SDK2: variants seen among roughly 807,000 people sequenced by gnomAD.
SDK2 encodes protein sidekick-2.
In SDK2, 105 loss-of-function variants were observed where a neutral mutation model predicts 253.9. That is an observed-to-expected ratio of 0.41 (90% CI 0.35 to 0.49). The LOEUF (loss-of-function observed/expected upper bound fraction) is 0.49, where lower values mean the gene tolerates loss of function less well. Ranked by LOEUF, SDK2 falls within the 20% of genes least tolerant of loss-of-function variation. The pLI is 0.06. For missense variants in SDK2, 2,608 were observed against 3,003.0 expected (o/e 0.87, Z 3.07); for synonymous variants, 1,249 against 1,234.9 (o/e 1.01, Z -0.24).
chr17:73,497,205 A>C (rs563324686), intron 2 of SDK2, among the ~76,000 whole-genome samples: 1 of 152,186 alleles, frequency 6.6e-6, no homozygotes, highest in Non-Finnish European at 1.5e-5. Context: ...GCCTGAGCTC[A>C]TGATTTTGGA....
At chr17:73,376,104 G>A (rs943832624) in intron 36 of SDK2, among the ~76,000 whole-genome samples, 6 of 151,350 alleles carry the variant, frequency 4.0e-5, no homozygotes, top group African/African-American at 1.5e-4. Flanking sequence ...GGAGGAAGGA[G>A]AATCGCTTGA....
At chr17:73,568,405 A>G (rs1014732830) in intron 1 of SDK2, among the ~76,000 whole-genome samples, 1 of 152,210 alleles carries the variant, frequency 6.6e-6, no homozygotes, top group East Asian at 1.9e-4. Context: ...TCTTCTTTAT[A>G]CATTATCCAG....
intron 1 of SDK2, among the ~76,000 whole-genome samples, chr17:73,531,816 A>G (rs1439261829): frequency 4.0e-5 from 6 of 151,850 alleles, no homozygotes; most frequent in Non-Finnish European, 5.9e-5. Context: ...GGGCTTAACA[A>G]CTTGTGGTTT....
At chr17:73,561,899 G>A (rs2045240527) in intron 1 of SDK2, among the ~76,000 whole-genome samples, 2 of 152,234 alleles carry the variant, frequency 1.3e-5, no homozygotes, top group Non-Finnish European at 2.9e-5. Context: ...GCTGAGGCGG[G>A]TGGATCACCT....
At chr17:73,597,970 A>G (rs751368105) in intron 1 of SDK2, among the ~76,000 whole-genome samples, 2 of 152,148 alleles carry the variant, frequency 1.3e-5, no homozygotes, top group Non-Finnish European at 2.9e-5. Flanking sequence ...ATACCCCTAC[A>G]AGGTGAAATA....
chr17:73,537,600 G>T (rs1179620007), intron 1 of SDK2, among the ~76,000 whole-genome samples: 1 of 151,984 alleles, frequency 6.6e-6, no homozygotes, highest in East Asian at 1.9e-4. Flanking sequence ...GGAGGTTTGG[G>T]GGGATGAAGA....
intron 38 of SDK2, 138 bp downstream of exon 38, chr17:73,365,120 G>T: frequency 1.8e-6 from 1 of 569,272 alleles, no homozygotes; most frequent in South Asian, 4.3e-5. Flanking sequence ...CCTTGTCTGG[G>T]ACTCAGTTTC....
chr17:73,580,877 A>C (rs944375813), intron 1 of SDK2, among the ~76,000 whole-genome samples: 24 of 152,330 alleles, frequency 1.6e-4, no homozygotes, highest in Middle Eastern at 3.4e-3. Flanking sequence ...CATGACATTC[A>C]AAGGAAACGC....
chr17:73,356,086 A>G (rs904459434), intron 40 of SDK2, among the ~76,000 whole-genome samples: 15 of 152,162 alleles, frequency 9.9e-5, no homozygotes, highest in Middle Eastern at 3.2e-3. Context: ...GGCCTGGAGG[A>G]AGCTTCACTC....
At chr17:73,405,257 A>C (rs947465825) in intron 18 of SDK2, among the ~76,000 whole-genome samples, 1 of 132,912 alleles carries the variant, frequency 7.5e-6, no homozygotes, top group Non-Finnish European at 1.6e-5. Flanking sequence ...CTTGGCTAAC[A>C]TGTGAAACCC....
chr17:73,587,280 T>C (rs902731953), intron 1 of SDK2, among the ~76,000 whole-genome samples: 1 of 152,136 alleles, frequency 6.6e-6, no homozygotes, highest in Non-Finnish European at 1.5e-5. Flanking sequence ...CCACCCCAAG[T>C]ACATGTCCAT....
rs1395111077 is a variant in SDK2, at chr17:73,438,132, T to C, written c.748A>G (p.Ile250Val). 1 of 1,551,470 alleles carries C rather than the reference T, an allele frequency of 6.4e-7. No individual in the cohort carries two copies. Among genetic ancestry groups the C allele is most frequent in the Non-Finnish European group, 8.7e-7 (1 of 1,146,900 alleles). Residue 250 changes from isoleucine (I) to valine (V), a missense_variant, in exon 7 of 45, where the codon ATT becomes GTT. Ile to Val is a conservative substitution (Grantham distance 29). Transcript: ENST00000392650. Reference sequence around the variant, plus strand: ...AGCAATACCCCGTCCTTCTTCCAAATGATATGTAGCTTGATCAGGGGCCTG... The same window carrying C: ...AGCAATACCCCGTCCTTCTTCCAAACGATATGTAGCTTGATCAGGGGCCTG... ...NARPLIKLHI[I>V]WKKDGVLLSG...
rs1215459061 is a variant in SDK2, at chr17:73,481,065, G to C, written c.225-8847C>G. ...CTACAGGGCCGCCATTTGAAGGGGA[G>C]GCAGCAGCCTCAGGAGGGGAAGGGT... On this transcript the variant is annotated intron_variant, in intron 2 of 44. Transcript: ENST00000392650. This position sits in a 1 kb window ranked among gnomAD's most constrained non-coding sequence, Gnocchi z 4.5. Among the ~76,000 whole-genome samples, 1 of 152,212 alleles carries C rather than the reference G, an allele frequency of 6.6e-6. No individual in the cohort carries two copies. The highest frequency in any genetic ancestry group is 1.5e-5 in the Non-Finnish European group (1 of 68,038).
At chr17:73,470,594 G>A (rs552489213) in intron 3 of SDK2, among the ~76,000 whole-genome samples, 2 of 152,328 alleles carry the variant, frequency 1.3e-5, no homozygotes, top group African/African-American at 4.8e-5. Flanking sequence ...TCTGCTCCTT[G>A]GAGTAAGTTG....
In SDK2 at chr17:73,447,472, C is replaced by G; in HGVS notation, c.613+143G>C. 8.1e-7 allele frequency: 1 copy of G among 1,228,572 alleles called. No homozygotes were observed. Among genetic ancestry groups the G allele is most frequent in the Non-Finnish European group, 1.1e-6 (1 of 875,726 alleles). 76.1% of individuals were successfully genotyped at this position (1,228,572 alleles called of 1,614,324 possible). A position where few individuals can be genotyped will look rare whatever the true frequency, so the allele number is the denominator to read the frequency against. On this transcript the variant is annotated intron_variant, in intron 5 of 44. Transcript: ENST00000392650. The surrounding 1 kb of genome is among the most constrained non-coding windows in gnomAD (Gnocchi z 4.0). ...CCCTGGCTCTGCTGTGTCTCGTCCT[C>G]CTTGGGAAGGCTCCCCCCGGCCGTC...
Position 73,365,382 on chromosome 17 carries a change from G to A in SDK2, c.5181C>T (p.Pro1727=), listed in dbSNP as rs766849962. The change falls in exon 38 of 45, where the codon CCC becomes CCT. Residue 1727 remains proline (P), a synonymous_variant. Coordinates refer to ENST00000392650, the MANE Select transcript of SDK2 (RefSeq NM_001144952.2). ...GQTQQAAPSA[P]SSVKFSELTT... is the part of the protein sequence containing the mutation. Reference sequence around the variant, plus strand: ...TCAGCTCACTGAACTTGACCGAGCTGGGAGCGCTGGGGGCTGCGGGAGACA... The same window carrying A: ...TCAGCTCACTGAACTTGACCGAGCTAGGAGCGCTGGGGGCTGCGGGAGACA... 9 of 1,608,364 alleles carry A rather than the reference G, an allele frequency of 5.6e-6. No individual in the cohort carries two copies. Among genetic ancestry groups the A allele is most frequent in the South Asian group, 1.1e-5 (1 of 90,074 alleles).
In SDK2 at chr17:73,419,204, C is replaced by T. The variant is rs753714823; in HGVS notation, c.2148G>A (p.Glu716=). 2.5e-6 allele frequency: 4 copies of T among 1,612,218 alleles called. No homozygotes were observed. In the Admixed American group the frequency reaches 6.7e-5, roughly 27 times the overall value. Residue 716 remains glutamate, a synonymous_variant, in exon 16 of 45, where the codon GAG becomes GAA. Transcript: ENST00000392650. Reference sequence around the variant, plus strand: ...CCTTGAGAATTCCATTCTGGTGGCTCTCAGGAGGCGGCTGCCACTGGATCA... The same window carrying T: ...CCTTGAGAATTCCATTCTGGTGGCTTTCAGGAGGCGGCTGCCACTGGATCA... The part of the protein sequence containing the change: ...SIMIQWQPPP[E]SHQNGILKGY...
rs1392596418 is a variant in SDK2 at position 73,483,665 on chromosome 17, ATATATATATATATATATT to A, written c.225-11465_225-11448del. ...TATGTGTGTGTGTGTGTGTGTGTAT[ATATATATATATATATATT>A]TATATATATATATATATATATATAT... On this transcript the variant is annotated intron_variant, in intron 2 of 44. Coordinates refer to ENST00000392650, the MANE Select transcript of SDK2 (RefSeq NM_001144952.2). 1.6e-3 allele frequency among the ~76,000 whole-genome samples: 74 copies of A among 47,202 alleles called. 2 individuals are homozygous for A. The highest frequency in any genetic ancestry group is 2.8e-3 in the African/African-American group (39 of 14,072). 31.0% of individuals were successfully genotyped at this position (47,202 alleles called of 152,430 possible).
intron 1 of SDK2, among the ~76,000 whole-genome samples, chr17:73,583,671 C>T (rs2045566243): frequency 7.1e-6 from 1 of 141,746 alleles, no homozygotes; most frequent in South Asian, 2.2e-4. Context: ...CTTGCATGGA[C>T]ACTGCCTGGA....
Sources: gnomAD v4.1 joint callset for allele counts (sites outside exome capture counted in the v4.1 genomes callset) on GRCh38, gnomAD v4.1.1 for gene constraint, Gnocchi (gnomAD v3.1) non-coding constraint, MANE v1.5 for transcripts, NCBI Gene and HGNC (gene_info 2026-07-23, HGNC 2026-07-21) for gene names.